ARID2: variants seen among roughly 807,000 people sequenced by gnomAD.
ARID2 encodes the protein AT-rich interactive domain-containing protein 2.
ARID2 carries 32 observed loss-of-function variants against 184.6 expected under a neutral mutation model. The observed-to-expected ratio is 0.17, with a 90% CI of 0.13 to 0.23. The LOEUF (loss-of-function observed/expected upper bound fraction) is 0.23. Ranked by LOEUF, ARID2 falls within the 10% of genes least tolerant of loss-of-function variation. ARID2 has a pLI of 1.00. For missense variants in ARID2, 1,696 were observed against 2,197.6 expected, an observed-to-expected ratio of 0.77 and a Z score of 4.56; for synonymous variants, 836 against 772.6, an observed-to-expected ratio of 1.08 and a Z score of -1.36.
intron 12 of ARID2, 57 bp downstream of exon 12, chr12:45,846,994 A>G: frequency 6.7e-7 from 1 of 1,502,312 alleles, no homozygotes; most frequent in Non-Finnish European, 9.2e-7. Flanking sequence ...GCAAAGAAAA[A>G]AAGGAAATGT....
Position 45,905,143 on chromosome 12 carries a change from G to A in ARID2, c.*65G>A. ...CCACATTTCACATACTGTTACTGAA[G>A]AAAGCACCAAGTCTTAATGGAACAA... is the stretch of plus-strand genomic sequence containing the variant. On this transcript the variant is annotated 3_prime_UTR_variant, in exon 21 of 21. Coordinates refer to ENST00000334344, the MANE Select transcript of ARID2 (RefSeq NM_152641.4). The A allele has an allele frequency of 6.6e-7, 1 of 1,522,708 alleles. No homozygotes were observed. Among genetic ancestry groups the A allele is most frequent in the Non-Finnish European group, 8.9e-7 (1 of 1,122,318 alleles). 94.3% of individuals were successfully genotyped at this position (1,522,708 alleles called of 1,614,324 possible). A position where few individuals can be genotyped will look rare whatever the true frequency, so the allele number is the denominator to read the frequency against.
chr12:45,894,240 T>C (rs751969398), intron 20 of ARID2, among the ~76,000 whole-genome samples: 4 of 152,248 alleles, frequency 2.6e-5, no homozygotes, highest in Non-Finnish European at 5.9e-5. Context: ...CATTAATTCG[T>C]GAGAGAGCAA....
intron 3 of ARID2, chr12:45,755,789 C>T (rs942846394): frequency 6.2e-6 from 1 of 161,548 alleles, no homozygotes; most frequent in Non-Finnish European, 1.5e-5. Flanking sequence ...ACATTGTCTT[C>T]TATTCTTCTG....
At chr12:45,824,353 T>C (rs2138103276) in intron 6 of ARID2, among the ~76,000 whole-genome samples, 1 of 152,068 alleles carries the variant, frequency 6.6e-6, no homozygotes, top group East Asian at 2.0e-4. Context: ...AGCTTTTCCT[T>C]GAAAAACTGA....
chr12:45,730,408 C>T (rs1039866596), intron 2 of ARID2, among the ~76,000 whole-genome samples: 1 of 145,712 alleles, frequency 6.9e-6, no homozygotes, highest in Middle Eastern at 3.2e-3. Context: ...CCGGCGGGGT[C>T]TGAGCGCCGC....
At position 45,904,667 on chromosome 12, in the gene ARID2, G is replaced by A. The variant is rs542156930; in HGVS notation, c.5364-267G>A. Among the ~76,000 whole-genome samples, 4 of 134,606 alleles carry A rather than the reference G, an allele frequency of 3.0e-5. 1 individual carries two copies. The highest frequency in any genetic ancestry group is 1.1e-4 in the African/African-American group (4 of 35,326). 88.3% of individuals were successfully genotyped at this position (134,606 alleles called of 152,430 possible). Reference sequence around the variant, plus strand: ...GATTGCGCCATTACACTCCAGCCTGGCAATAGAGTGAGACTCCTTCTCAAA... The same window carrying A: ...GATTGCGCCATTACACTCCAGCCTGACAATAGAGTGAGACTCCTTCTCAAA... On this transcript the variant is annotated intron_variant, in intron 20 of 20. Coordinates refer to ENST00000334344, the MANE Select transcript of ARID2 (RefSeq NM_152641.4).
At chr12:45,807,789 G>A (rs993600543) in intron 3 of ARID2, among the ~76,000 whole-genome samples, 2 of 152,066 alleles carry the variant, frequency 1.3e-5, no homozygotes, top group Admixed American at 1.3e-4. Context: ...GTCATTATGT[G>A]TCCAATACCA....
intron 11 of ARID2, chr12:45,842,312 C>CAT (rs1182326893): frequency 1.4e-5 from 2 of 142,292 alleles, no homozygotes; most frequent in South Asian, 2.1e-4. Flanking sequence ...TATATACACA[C>CAT]ATGTATATGT....
chr12:45,749,908 G>C (rs546025973), intron 3 of ARID2, among the ~76,000 whole-genome samples: 2 of 152,250 alleles, frequency 1.3e-5, no homozygotes, highest in African/African-American at 2.4e-5. Flanking sequence ...TGGCTGGTTT[G>C]ATCTTCTGTC....
rs769348004 is a variant in ARID2 at position 45,893,659 on chromosome 12, C to T, written c.5301C>T (p.His1767=). ...TDEKEGPITK[H]IRLTAALILK... ...AAAAAGAGGGACCAATAACTAAACA[C>T]ATCCGACTAACAGCTGCCTTAATAT... Residue 1767 remains histidine, a synonymous_variant, in exon 20 of 21, where the codon CAC becomes CAT. Transcript: ENST00000334344. The T allele has an allele frequency of 1.9e-6, 3 of 1,607,070 alleles. No individual in the cohort carries two copies. The highest frequency in any genetic ancestry group is 1.1e-5 in the South Asian group (1 of 88,552).
intron 3 of ARID2, among the ~76,000 whole-genome samples, chr12:45,772,629 CAA>C (rs955424793): frequency 1.3e-5 from 2 of 151,260 alleles, no homozygotes; most frequent in African/African-American, 4.9e-5. Context: ...GATTTTAAAA[CAA>C]AAAAAAGTTA....
rs140602819 is a variant in ARID2, at chr12:45,905,688, C to T, written c.*610C>T. 8.6e-4 allele frequency: 199 copies of T among 232,724 alleles called. No homozygotes were observed. The highest frequency in any genetic ancestry group is 4.1e-3 in the African/African-American group (188 of 45,396). 14.4% of individuals were successfully genotyped at this position (232,724 alleles called of 1,614,324 possible). ...TAAAAATTTACCAGTCTGAATAGATCTTGTAAATATTTGTGAATAGAATGA... is the reference window on the plus strand; with the variant it reads ...TAAAAATTTACCAGTCTGAATAGATTTTGTAAATATTTGTGAATAGAATGA... On this transcript the variant is annotated 3_prime_UTR_variant, in exon 21 of 21. Coordinates refer to ENST00000334344, the MANE Select transcript of ARID2 (RefSeq NM_152641.4).
At chr12:45,834,005 A>G (rs1017386610) in intron 6 of ARID2, among the ~76,000 whole-genome samples, 1 of 152,152 alleles carries the variant, frequency 6.6e-6, no homozygotes, top group Non-Finnish European at 1.5e-5. Context: ...AGCAATCACT[A>G]TGATATCTTG....
rs777382264 is a variant in ARID2 at position 45,860,790 on chromosome 12, C to T, written c.4774-11C>T. On this transcript the variant is annotated splice_polypyrimidine_tract_variant and intron_variant, in intron 15 of 20. Transcript: ENST00000334344. ...TCATGTCACAAACTCTGCATTTGTT[C>T]TTTTTCACAGAACACTCCTATGCCA... The T allele has an allele frequency of 4.0e-6, 6 of 1,511,872 alleles. No homozygotes were observed. In the South Asian group the frequency reaches 8.7e-5, roughly 22 times the overall value. The allele number at this position is 1,511,872 out of a possible 1,614,324, so 93.7% of individuals were successfully genotyped here.
intron 20 of ARID2, among the ~76,000 whole-genome samples, chr12:45,894,986 G>T (rs181494267): frequency 6.6e-6 from 1 of 152,034 alleles, no homozygotes; most frequent in African/African-American, 2.4e-5. Context: ...TCCTCCCTGC[G>T]TTGCCCACCT....
rs1943291995 is a variant in ARID2 at position 45,839,373 on chromosome 12, C to G, written c.1375C>G (p.Pro459Ala). 7.4e-6 allele frequency: 12 copies of G among 1,613,462 alleles called. No homozygotes were observed. In the East Asian group the frequency reaches 2.7e-4, roughly 36 times the overall value. Residue 459 changes from proline to alanine, a missense_variant, in exon 11 of 21, where the codon CCT becomes GCT. By Grantham distance (27) the Pro-to-Ala change is conservative. Coordinates refer to ENST00000334344, the MANE Select transcript of ARID2 (RefSeq NM_152641.4). ...TTCTATGGATATTCAGATGTTTGGC[C>G]CTGATGCACTAGCTGCGGTAAAACT... Reference protein sequence around the residue: ...LVSMDIQMFGPDALAAVKLIE... With the variant: ...LVSMDIQMFGADALAAVKLIE...
At chr12:45,811,223 G>C (rs1371669368) in intron 3 of ARID2, among the ~76,000 whole-genome samples, 195 bp from the exon 4 acceptor site, 1 of 150,162 alleles carries the variant, frequency 6.7e-6, no homozygotes, top group African/African-American at 2.4e-5. Context: ...AAAAAAAAAA[G>C]AACCATTGCA....
chr12:45,890,090 T>C (rs1416070039), intron 16 of ARID2, among the ~76,000 whole-genome samples: 1 of 152,168 alleles, frequency 6.6e-6, no homozygotes, highest in East Asian at 1.9e-4. Context: ...CTTTTATGAC[T>C]AGAGTAGTTA....
chr12:45,789,120 G>A (rs1301059092), intron 3 of ARID2: 2 of 152,186 alleles, frequency 1.3e-5, no homozygotes, highest in Admixed American at 6.5e-5. Flanking sequence ...AGGCAGTGTG[G>A]ATTCAAATCC....
Sources: gnomAD v4.1 joint callset for allele counts (sites outside exome capture counted in the v4.1 genomes callset) on GRCh38, gnomAD v4.1.1 for gene constraint, MANE v1.5 for transcripts, NCBI Gene and HGNC (gene_info 2026-07-23, HGNC 2026-07-21) for gene names.